Variants in SLC35F4 observed in about 807,000 individuals in gnomAD.
SLC35F4 encodes chromosome 14 open reading frame 36.
Under a neutral mutation model 44.2 loss-of-function variants are expected in SLC35F4, and 24 were observed. The observed-to-expected ratio is 0.54, with a 90% CI of 0.39 to 0.76. The LOEUF (loss-of-function observed/expected upper bound fraction) is 0.76. Among genes scored for constraint, SLC35F4 ranks in the 30% least tolerant of loss-of-function variants. The probability of loss-of-function intolerance (pLI) is 0.00; values close to 1 mark genes in which losing one functional copy is unlikely to be tolerated. For synonymous variants in SLC35F4, 238 were observed against 223.6 expected (o/e 1.06, Z -0.57); for missense variants, 562 against 586.1 (o/e 0.96, Z 0.42).
At chr14:57,867,602 A>ACC (rs11372858), upstream of SLC35F4, among the ~76,000 whole-genome samples, 8,477 of 147,884 alleles carry the variant, frequency 0.057, 509 homozygotes, top group East Asian at 0.13. Flanking sequence ...ATGCCTTTAC[A>ACC]CCCCCCCCCA....
At chr14:57,860,748 C>G (rs1157099296) in intron 1 of SLC35F4, among the ~76,000 whole-genome samples, 2 of 152,152 alleles carry the variant, frequency 1.3e-5, no homozygotes. Flanking sequence ...TTATAGCATA[C>G]AAACCACCAC....
chr14:57,628,758 T>A (rs184492799), intron 1 of SLC35F4, among the ~76,000 whole-genome samples: 1 of 152,286 alleles, frequency 6.6e-6, no homozygotes, highest in Admixed American at 6.5e-5. Context: ...AATAAGAGTT[T>A]GGGCTCCAGA....
At chr14:57,659,640 G>C (rs2074074670) in intron 1 of SLC35F4, among the ~76,000 whole-genome samples, 2 of 152,250 alleles carry the variant, frequency 1.3e-5, no homozygotes, top group South Asian at 4.1e-4. Context: ...TTTAATCCTA[G>C]ATGATGTGGT....
chr14:57,970,407 G>A (rs1423026582), intron 1 of SLC35F4, among the ~76,000 whole-genome samples: 1 of 152,186 alleles, frequency 6.6e-6, no homozygotes, highest in Non-Finnish European at 1.5e-5. Flanking sequence ...GATGTGGCCA[G>A]ATTCTAGGGT....
At chr14:57,722,353 G>A (rs940769862) in intron 1 of SLC35F4, among the ~76,000 whole-genome samples, 1 of 152,180 alleles carries the variant, frequency 6.6e-6, no homozygotes, top group Non-Finnish European at 1.5e-5. Context: ...AGGATCAAAA[G>A]GCTTAGGGAG....
chr14:57,711,438 A>C (rs964734400), intron 1 of SLC35F4, among the ~76,000 whole-genome samples: 9 of 152,198 alleles, frequency 5.9e-5, no homozygotes, highest in African/African-American at 2.2e-4. Context: ...GAAGTAAAAA[A>C]AAGTGGTTAT....
chr14:57,877,163 G>A (rs182493883), intron 1 of SLC35F4, among the ~76,000 whole-genome samples: 6 of 152,084 alleles, frequency 3.9e-5, no homozygotes, highest in East Asian at 3.9e-4. Flanking sequence ...TCCTCCCACC[G>A]TCCACTCTCA....
At chr14:57,857,835 A>G (rs1887262939) in intron 1 of SLC35F4, among the ~76,000 whole-genome samples, 1 of 152,058 alleles carries the variant, frequency 6.6e-6, no homozygotes, top group African/African-American at 2.4e-5. Flanking sequence ...CTGCAGGGTG[A>G]TGAAGGAGAC....
chr14:57,699,085 G>C (rs1486849855), intron 1 of SLC35F4, among the ~76,000 whole-genome samples: 1 of 152,152 alleles, frequency 6.6e-6, no homozygotes, highest in African/African-American at 2.4e-5. Context: ...TAAGATGTAA[G>C]TCTGCCTTCT....
chr14:57,656,922 C>G (rs1178998751), intron 1 of SLC35F4, among the ~76,000 whole-genome samples: 1 of 152,114 alleles, frequency 6.6e-6, no homozygotes, highest in Non-Finnish European at 1.5e-5. Flanking sequence ...ATGACTATAT[C>G]CATTTGTACA....
Position 57,564,113 on chromosome 14 carries a change from T to A in SLC35F4, c.*22A>T. 6.2e-7 allele frequency: 1 copy of A among 1,612,690 alleles called. No homozygotes were observed. Among genetic ancestry groups the A allele is most frequent in the Non-Finnish European group, 8.5e-7 (1 of 1,179,076 alleles). ...TATATTCACAGAATATACATACACG[T>A]GCATTCAAAATATGTCCCTCTCTAA... On this transcript the variant is annotated 3_prime_UTR_variant, in exon 8 of 8. Transcript: ENST00000556826.
chr14:57,802,174 A>T (rs1165639617), intron 1 of SLC35F4, among the ~76,000 whole-genome samples: 2 of 152,234 alleles, frequency 1.3e-5, no homozygotes, highest in Non-Finnish European at 2.9e-5. Flanking sequence ...ATATTAAGAA[A>T]TTCACTCAAA....
chr14:57,622,835 A>T (rs1395219560), intron 1 of SLC35F4, among the ~76,000 whole-genome samples: 1 of 151,910 alleles, frequency 6.6e-6, no homozygotes. Flanking sequence ...AATAAAAAAT[A>T]AAAATAAAAA....
chr14:57,567,639 C>T (rs1469503594), intron 6 of SLC35F4, among the ~76,000 whole-genome samples: 2 of 152,244 alleles, frequency 1.3e-5, no homozygotes, highest in East Asian at 3.9e-4. Flanking sequence ...AACTGCTCCT[C>T]ATTCCTGACA....
chr14:57,795,769 TTAA>T (rs771683675), intron 1 of SLC35F4, among the ~76,000 whole-genome samples: 1 of 152,188 alleles, frequency 6.6e-6, no homozygotes, highest in African/African-American at 2.4e-5. Flanking sequence ...AATTTAAAAA[TTAA>T]TAATAGACAT....
At chr14:57,975,503 G>T (rs1476137759), downstream of SLC35F4, among the ~76,000 whole-genome samples, 2 of 152,204 alleles carry the variant, frequency 1.3e-5, no homozygotes, top group Non-Finnish European at 1.5e-5. Context: ...TGCTGGATTG[G>T]TTCATTGCAG....
At chr14:57,919,968 C>T (rs889933558) in intron 1 of SLC35F4, among the ~76,000 whole-genome samples, 5 of 152,068 alleles carry the variant, frequency 3.3e-5, no homozygotes, top group African/African-American at 1.2e-4. Flanking sequence ...CTTTCAGATC[C>T]CTTTCACATG....
intron 1 of SLC35F4, 89 bp downstream of exon 1, chr14:57,865,634 C>A (rs950707345): frequency 1.3e-5 from 15 of 1,115,678 alleles, no homozygotes; most frequent in Admixed American, 5.5e-5. Flanking sequence ...GTGTCCGTAC[C>A]GCGCGCCCGC....
At chr14:57,854,898 T>C (rs1000792181) in intron 1 of SLC35F4, among the ~76,000 whole-genome samples, 27 of 152,136 alleles carry the variant, frequency 1.8e-4, no homozygotes, top group African/African-American at 5.6e-4. Flanking sequence ...ATAAAAACCA[T>C]TGTGAACTTG....
Sources: allele counts gnomAD v4.1 joint callset (sites outside exome capture counted in the v4.1 genomes callset), GRCh38; gene constraint gnomAD v4.1.1; transcripts MANE v1.5; gene names NCBI Gene and HGNC (gene_info 2026-07-23, HGNC 2026-07-21).